The following MCF2L2 variants were observed in gnomAD, a reference collection of about 807,000 sequenced individuals.
The protein encoded by MCF2L2 is MCF.2 cell line derived transforming sequence-like 2.
MCF2L2 carries 102 observed loss-of-function variants against 150.2 expected under a neutral mutation model. The ratio of observed to expected loss-of-function variants is 0.68; its 90% CI spans 0.58 to 0.80. The LOEUF (loss-of-function observed/expected upper bound fraction) is 0.80, where lower values mean the gene tolerates loss of function less well. Among genes scored for constraint, MCF2L2 ranks in the 30% least tolerant of loss-of-function variants. The pLI is 0.00. For synonymous variants in MCF2L2, 465 were observed against 491.3 expected, an observed-to-expected ratio of 0.95 and a Z score of 0.71; for missense variants, 1,256 against 1,372.8, an observed-to-expected ratio of 0.91 and a Z score of 1.34.
intron 1 of MCF2L2, among the ~76,000 whole-genome samples, chr3:183,425,106 C>T (rs559082841): frequency 1.7e-4 from 26 of 152,040 alleles, no homozygotes; most frequent in Non-Finnish European, 2.8e-4. Context: ...GTTTGCACAA[C>T]GGCTAGTTAA....
intron 10 of MCF2L2, among the ~76,000 whole-genome samples, chr3:183,307,015 G>T (rs1729130436): frequency 6.6e-6 from 1 of 152,212 alleles, no homozygotes; most frequent in Admixed American, 6.5e-5. Context: ...GAATCAGGAA[G>T]GAGCATTCAA....
intron 15 of MCF2L2, among the ~76,000 whole-genome samples, chr3:183,243,519 A>C (rs1007691363): frequency 2.0e-5 from 3 of 152,214 alleles, no homozygotes; most frequent in African/African-American, 7.2e-5. Flanking sequence ...CAATCTTAGA[A>C]GATTTGAGGC....
intron 2 of MCF2L2, among the ~76,000 whole-genome samples, chr3:183,387,147 T>A (rs867272251): frequency 1.3e-5 from 2 of 151,444 alleles, no homozygotes; most frequent in South Asian, 4.2e-4. Flanking sequence ...GCCTGTAGTC[T>A]CAGTTAACTC....
intron 1 of MCF2L2, among the ~76,000 whole-genome samples, chr3:183,402,451 C>CAAAAAAAGAAA (rs1714813623): frequency 1.8e-5 from 1 of 54,762 alleles, no homozygotes; most frequent in Non-Finnish European, 4.3e-5. Flanking sequence ...GAGACTCCAT[C>CAAAAAAAGAAA]AAAAAAAAAA....
intron 23 of MCF2L2, 90 bp downstream of exon 23, chr3:183,207,518 C>T (rs1365673773): frequency 4.0e-6 from 4 of 1,005,118 alleles, no homozygotes; most frequent in Non-Finnish European, 6.1e-6. Context: ...CACCTCTCTA[C>T]ACTGCAGCTT....
At chr3:183,195,063 G>C (rs963826230) in intron 26 of MCF2L2, among the ~76,000 whole-genome samples, 159 bp downstream of exon 26, 1 of 152,150 alleles carries the variant, frequency 6.6e-6, no homozygotes, top group Non-Finnish European at 1.5e-5. Flanking sequence ...GATTACAGGC[G>C]TGAGCCACTG....
chr3:183,332,215 C>A (rs902412256), intron 5 of MCF2L2, among the ~76,000 whole-genome samples: 2 of 152,192 alleles, frequency 1.3e-5, no homozygotes, highest in Non-Finnish European at 2.9e-5. Context: ...ACTTCAGACT[C>A]TGCCGTTTCT....
At position 183,241,358 on chromosome 3, in the gene MCF2L2, G is replaced by C. The variant is rs574882366; in HGVS notation, c.1863-10341C>G. 2.6e-5 allele frequency among the ~76,000 whole-genome samples: 4 copies of C among 152,292 alleles called. No homozygotes were observed. The South Asian group carries it at 8.3e-4, about 32-fold the overall frequency. On this transcript the variant is annotated intron_variant, in intron 15 of 29. Coordinates refer to ENST00000328913, the MANE Select transcript of MCF2L2 (RefSeq NM_015078.4). The stretch of plus-strand genomic sequence containing the variant: ...ATTCTTTGGTGGGTGATATGGTTTG[G>C]CTCTGTGTCCCCACCCAAATCTCAC...
chr3:183,382,917 G>A (rs1713617277), intron 2 of MCF2L2, among the ~76,000 whole-genome samples: 1 of 152,092 alleles, frequency 6.6e-6, no homozygotes, highest in African/African-American at 2.4e-5. Flanking sequence ...ACCAATGATG[G>A]GGAAGGTTGC....
At chr3:183,258,990 GA>G (rs986845472) in intron 15 of MCF2L2, among the ~76,000 whole-genome samples, 1 of 151,946 alleles carries the variant, frequency 6.6e-6, no homozygotes, top group Non-Finnish European at 1.5e-5. Flanking sequence ...ATAATGACAA[GA>G]AAAAAATGTG....
chr3:183,416,255 A>G (rs535631153), intron 1 of MCF2L2, among the ~76,000 whole-genome samples: 5 of 152,090 alleles, frequency 3.3e-5, no homozygotes, highest in Non-Finnish European at 7.4e-5. Context: ...CTTTATGTTT[A>G]TTACAGAATC....
intron 1 of MCF2L2, among the ~76,000 whole-genome samples, chr3:183,394,820 T>G (rs1017335069): frequency 6.6e-6 from 1 of 152,208 alleles, no homozygotes; most frequent in Non-Finnish European, 1.5e-5. Context: ...GAGATTCTAA[T>G]ACACAATGCT....
chr3:183,399,088 G>A (rs1714611437), intron 1 of MCF2L2, among the ~76,000 whole-genome samples: 1 of 152,172 alleles, frequency 6.6e-6, no homozygotes, highest in Non-Finnish European at 1.5e-5. Context: ...AAGGATTTGT[G>A]TGCATGCGCA....
chr3:183,192,013 T>C (rs1721911922), intron 27 of MCF2L2, among the ~76,000 whole-genome samples: 1 of 151,252 alleles, frequency 6.6e-6, no homozygotes, highest in South Asian at 2.1e-4. Flanking sequence ...GCTAATTTTT[T>C]TTTTTTTTTG....
intron 3 of MCF2L2, among the ~76,000 whole-genome samples, chr3:183,342,165 C>T (rs1448579343): frequency 6.6e-6 from 1 of 152,192 alleles, no homozygotes; most frequent in Non-Finnish European, 1.5e-5. Flanking sequence ...ATCATTGTCA[C>T]TAAGACCAAA....
chr3:183,305,828 G>A lies in MCF2L2; in HGVS notation c.1113+3888C>T, dbSNP rs773646720. Among the ~76,000 whole-genome samples, 1 of 152,056 alleles carries A rather than the reference G, an allele frequency of 6.6e-6. No individual in the cohort carries two copies. The highest frequency in any genetic ancestry group is 2.4e-5 in the African/African-American group (1 of 41,410). On this transcript the variant is annotated intron_variant, in intron 10 of 29. Coordinates refer to ENST00000328913, the MANE Select transcript of MCF2L2 (RefSeq NM_015078.4). The surrounding 1 kb of genome is among the most constrained non-coding windows in gnomAD (Gnocchi z 4.1). ...TGTGCCACTGCACTCCAGCCTGGGC[G>A]GCAAGAGTGAAACTCCGTCTCAAAA...
chr3:183,190,002 G>C (rs1440923401), intron 27 of MCF2L2, among the ~76,000 whole-genome samples: 2 of 152,176 alleles, frequency 1.3e-5, no homozygotes, highest in Admixed American at 6.5e-5. Flanking sequence ...TGCCTCTGCT[G>C]TAGGAGATGA....
At chr3:183,272,105 A>C (rs962208720) in intron 15 of MCF2L2, 14 of 978,944 alleles carry the variant, frequency 1.4e-5, no homozygotes, top group African/African-American at 1.8e-5. Flanking sequence ...AACAGAGTAA[A>C]AAAGTGATAG....
intron 5 of MCF2L2, among the ~76,000 whole-genome samples, chr3:183,331,764 GGAGGATCACTT>G (rs1431733328): frequency 6.6e-6 from 1 of 152,200 alleles, no homozygotes; most frequent in East Asian, 1.9e-4. Flanking sequence ...GGCCAAGGCA[GGAGGATCACTT>G]GAGCCCAGGA....
Sources: allele counts gnomAD v4.1 joint callset (sites outside exome capture counted in the v4.1 genomes callset), GRCh38; gene constraint gnomAD v4.1.1; non-coding constraint Gnocchi (gnomAD v3.1); transcripts MANE v1.5; gene names NCBI Gene and HGNC (gene_info 2026-07-23, HGNC 2026-07-21).